RBM6: variants seen among roughly 807,000 people sequenced by gnomAD.
The protein encoded by RBM6 is RNA-binding protein 6.
In RBM6, 23 loss-of-function variants were observed where a neutral mutation model predicts 140.4. The ratio of observed to expected loss-of-function variants is 0.16; its 90% confidence interval spans 0.12 to 0.23. The LOEUF is 0.23. RBM6 is among the 10% of genes least tolerant of loss of function. The probability of loss-of-function intolerance (pLI) is 1.00; values close to 1 mark genes in which losing one functional copy is unlikely to be tolerated. For missense variants in RBM6, 1,139 were observed against 1,386.7 expected (o/e 0.82, Z 2.84); for synonymous variants, 439 against 475.6 (o/e 0.92, Z 1.00).
chr3:50,064,408 C>T (rs996198203), intron 15 of RBM6, among the ~76,000 whole-genome samples: 2 of 152,178 alleles, frequency 1.3e-5, no homozygotes, highest in African/African-American at 4.8e-5. Context: ...GTAAAGCTTA[C>T]ATAGGAGGAT....
rs1207352915 is a variant in RBM6 at position 49,968,512 on chromosome 3, C to T, written c.1087C>T (p.Pro363Ser). 1 of 1,614,022 alleles carries T rather than the reference C, an allele frequency of 6.2e-7. No homozygotes were observed. Among genetic ancestry groups the T allele is most frequent in the African/African-American group, 1.3e-5 (1 of 74,912 alleles). The change falls in exon 3 of 21, where the codon CCA becomes TCA. Residue 363 changes from proline to serine, a missense_variant. Transcript: ENST00000266022. ...SPADFQNSQS[P>S]VQDQDKSQLS... ...AGCAGACTTTCAGAACAGCCAAAGTCCAGTTCAAGACCAAGATAAGTCACA... is the reference window on the plus strand; with the variant it reads ...AGCAGACTTTCAGAACAGCCAAAGTTCAGTTCAAGACCAAGATAAGTCACA...
chr3:49,942,324 C>T (rs995931414), intron 1 of RBM6, among the ~76,000 whole-genome samples: 8 of 150,268 alleles, frequency 5.3e-5, no homozygotes, highest in African/African-American at 1.7e-4. Context: ...CCCATCTCTA[C>T]TAAAAATACA....
intron 7 of RBM6, chr3:50,054,034 T>C (rs2089597505): frequency 3.6e-6 from 1 of 277,902 alleles, no homozygotes; most frequent in South Asian, 7.2e-5. Flanking sequence ...AATAATATTC[T>C]ATAAACCATG....
At chr3:49,957,191 C>T (rs1442260109) in intron 1 of RBM6, among the ~76,000 whole-genome samples, 1 of 151,994 alleles carries the variant, frequency 6.6e-6, no homozygotes, top group Non-Finnish European at 1.5e-5. Flanking sequence ...GCTATATTGC[C>T]TAGGCTGGTC....
chr3:49,941,765 G>A lies in RBM6; in HGVS notation c.-67+1540G>A, dbSNP rs367829744. 4.3e-4 allele frequency among the ~76,000 whole-genome samples: 65 copies of A among 150,686 alleles called. 2 individuals carry two copies. In the South Asian group the frequency reaches 8.2e-3, roughly 19 times the overall value. The stretch of plus-strand genomic sequence containing the variant: ...ATTTTTTTAGTAGAGGCGGAGTTTC[G>A]CTATGTTGGCCAGGCTGGTCTTGAA... On this transcript the variant is annotated intron_variant, in intron 1 of 20. Transcript: ENST00000266022.
intron 1 of RBM6, among the ~76,000 whole-genome samples, chr3:49,945,191 T>A (rs2083435510): frequency 6.6e-6 from 1 of 150,858 alleles, no homozygotes; most frequent in Admixed American, 6.6e-5. Flanking sequence ...TTTTTTTTTT[T>A]TTTTTAGACA....
At chr3:50,001,815 C>T (rs900675319) in intron 6 of RBM6, among the ~76,000 whole-genome samples, 3 of 152,118 alleles carry the variant, frequency 2.0e-5, no homozygotes, top group Admixed American at 2.0e-4. Context: ...TTAAGTCGTT[C>T]GCCTCTGTGC....
At chr3:50,043,785 T>C (rs1433481015) in intron 6 of RBM6, among the ~76,000 whole-genome samples, 2 of 151,998 alleles carry the variant, frequency 1.3e-5, no homozygotes, top group Non-Finnish European at 2.9e-5. Context: ...GATTTCACCA[T>C]GTTGGCAGGG....
In RBM6 at chr3:50,058,561, C is replaced by T. The variant is rs751007500; in HGVS notation, c.2129C>T (p.Ala710Val). Residue 710 changes from alanine (A) to valine (V), a missense_variant and splice_region_variant, in exon 10 of 21, where the codon GCG becomes GTG. Around this residue, in one of 9 missense-constraint regions of RBM6, gnomAD observed 47 missense variants for 117.6 expected, o/e 0.40. Coordinates refer to ENST00000266022, the MANE Select transcript of RBM6 (RefSeq NM_005777.3). ...GGCTTTATTGACCTCGACTCCCATG[C>T]GGTGAGTTTCCTCCACCTTGGATTG... is the stretch of plus-strand genomic sequence containing the variant. ...TYGFIDLDSHAEALRVVKILQ... is the reference protein window; with the variant it reads ...TYGFIDLDSHVEALRVVKILQ... 6.2e-6 allele frequency: 10 copies of T among 1,602,646 alleles called. No individual in the cohort carries two copies. The highest frequency in any genetic ancestry group is 7.7e-6 in the Non-Finnish European group (9 of 1,170,040).
rs758584942 is a variant in RBM6 at position 49,968,166 on chromosome 3, T to C, written c.741T>C (p.Phe247=). Residue 247 remains phenylalanine (F), a synonymous_variant, in exon 3 of 21, where the codon TTT becomes TTC. Transcript: ENST00000266022. ...GTTCAGGTACTACTGATCTAGACTT[T>C]AGGGACAGGGATACGCCACATTCAG... ...GRGSGTTDLD[F]RDRDTPHSDF... is the part of the protein sequence containing the mutation. 4 of 1,614,152 alleles carry C rather than the reference T, an allele frequency of 2.5e-6. No homozygotes were observed. Among genetic ancestry groups the C allele is most frequent in the Non-Finnish European group, 3.4e-6 (4 of 1,180,018 alleles).
At position 49,968,566 on chromosome 3, in the gene RBM6, G is replaced by A. The variant is rs377267425; in HGVS notation, c.1141G>A (p.Asp381Asn). 7.4e-6 allele frequency: 12 copies of A among 1,614,066 alleles called. No individual in the cohort carries two copies. The highest frequency in any genetic ancestry group is 1.6e-4 in the Middle Eastern group (1 of 6,084). Residue 381 changes from aspartate to asparagine, a missense_variant, in exon 3 of 21, where the codon GAT becomes AAT. Asp to Asn is a conservative substitution (Grantham distance 23). Coordinates refer to ENST00000266022, the MANE Select transcript of RBM6 (RefSeq NM_005777.3). ...TTCTGGACGTGAAGAGCAGAGTTCA[G>A]ATGCTGGTCTGTTTAAAGAAGAAGG... ...QLSGREEQSS[D>N]AGLFKEEGGL...
chr3:50,068,317 G>A (rs1051008949), intron 17 of RBM6, among the ~76,000 whole-genome samples: 1 of 152,130 alleles, frequency 6.6e-6, no homozygotes, highest in African/African-American at 2.4e-5. Flanking sequence ...TCCTTTCCAT[G>A]TTTCTCTGGG....
intron 7 of RBM6, among the ~76,000 whole-genome samples, chr3:50,049,569 A>G (rs574809679): frequency 1.3e-5 from 2 of 152,194 alleles, no homozygotes; most frequent in South Asian, 4.2e-4. Flanking sequence ...AATTTAGTAA[A>G]GACTTTAGCT....
intron 6 of RBM6, among the ~76,000 whole-genome samples, chr3:50,017,286 A>C (rs2087214010): frequency 6.6e-6 from 1 of 152,198 alleles, no homozygotes; most frequent in Admixed American, 6.5e-5. Flanking sequence ...GGCTGGGCAC[A>C]GTGGCTCACG....
At chr3:49,991,567 G>A (rs1001675673) in intron 5 of RBM6, among the ~76,000 whole-genome samples, 1 of 152,152 alleles carries the variant, frequency 6.6e-6, no homozygotes. Flanking sequence ...GGTTTTAGGA[G>A]CTGTATGCCA....
chr3:49,951,719 T>TATTA (rs200793534), intron 1 of RBM6, among the ~76,000 whole-genome samples: 2 of 150,036 alleles, frequency 1.3e-5, no homozygotes, highest in African/African-American at 4.9e-5. Flanking sequence ...TTATTATTAT[T>TATTA]TTTTTGTTGT....
intron 2 of RBM6, among the ~76,000 whole-genome samples, chr3:49,964,842 A>G (rs560275364): frequency 1.2e-4 from 18 of 152,306 alleles, no homozygotes; most frequent in Non-Finnish European, 2.5e-4. Flanking sequence ...AATTTAGAAC[A>G]TTTGTCTTTG....
At chr3:50,027,277 G>T (rs772446586) in intron 6 of RBM6, among the ~76,000 whole-genome samples, 107 of 152,240 alleles carry the variant, frequency 7.0e-4, no homozygotes, top group Non-Finnish European at 1.2e-3. Flanking sequence ...AGATGTCTTT[G>T]CTTTGTCAGT....
intron 1 of RBM6, among the ~76,000 whole-genome samples, chr3:49,957,019 G>A (rs531901986): frequency 6.6e-6 from 1 of 152,178 alleles, no homozygotes; most frequent in East Asian, 1.9e-4. Flanking sequence ...GTCTTGCTGT[G>A]TTGTCCAGAT....
Sources: allele counts gnomAD v4.1 joint callset (sites outside exome capture counted in the v4.1 genomes callset), GRCh38; gene constraint gnomAD v4.1.1; regional missense constraint gnomAD v4.1.1; transcripts MANE v1.5; gene names NCBI Gene and HGNC (gene_info 2026-07-23, HGNC 2026-07-21).